MYLK: variants seen among roughly 807,000 people sequenced by gnomAD.
MYLK encodes myosin light chain kinase, smooth muscle.
MYLK carries 106 observed loss-of-function variants against 203.4 expected under a neutral mutation model. The observed-to-expected ratio is 0.52, with a 90% CI of 0.45 to 0.61. The LOEUF (loss-of-function observed/expected upper bound fraction) is 0.61, where lower values mean the gene tolerates loss of function less well. MYLK is among the 20% of genes least tolerant of loss of function. The pLI, the probability that MYLK is intolerant of heterozygous loss-of-function variation, is 0.00. For missense variants in MYLK, 2,072 were observed against 2,442.3 expected, an observed-to-expected ratio of 0.85 and a Z score of 3.20; for synonymous variants, 867 against 959.5, an observed-to-expected ratio of 0.90 and a Z score of 1.78.
chr3:123,707,917 C>T lies in MYLK; in HGVS notation c.2227G>A (p.Ala743Thr), dbSNP rs145191000. ...GTAGGAAAGGGGTCACCAGCTATGG[C>T]GCAGGAGATGAGGACACTCTGGCCC... ...SLGQSVLISC[A>T]IAGDPFPTVH... Residue 743 changes from alanine to threonine, a missense_variant, in exon 16 of 34, where the codon GCC becomes ACC. Physicochemically the swap from Ala to Thr is moderately conservative, Grantham distance 58. Coordinates refer to ENST00000360304, the MANE Select transcript of MYLK (RefSeq NM_053025.4). 3.8e-5 allele frequency: 62 copies of T among 1,614,194 alleles called. No homozygotes were observed. The Admixed American group carries it at 4.5e-4, about 12-fold the overall frequency.
chr3:123,691,289 G>A (rs1248333800), intron 19 of MYLK: 1 of 152,182 alleles, frequency 6.6e-6, no homozygotes, highest in Non-Finnish European at 1.5e-5. Flanking sequence ...CAGCCTGGGT[G>A]AGGAGAGACT....
At chr3:123,780,374 C>T (rs1576948555) in intron 4 of MYLK, among the ~76,000 whole-genome samples, 2 of 152,124 alleles carry the variant, frequency 1.3e-5, no homozygotes, top group East Asian at 1.9e-4. Flanking sequence ...GCAGAGGTTG[C>T]AGTGAGCCGA....
chr3:123,610,654 C>G lies in MYLK; in HGVS notation c.*3451G>C, dbSNP rs562385392. ...ACAACTGCCACCAACATTAGCCCCC[C>G]CTTTCAAATTACAGGAAGGAGTCCC... On this transcript the variant is annotated 3_prime_UTR_variant, in exon 34 of 34. Transcript: ENST00000360304. 7.2e-5 allele frequency: 11 copies of G among 152,288 alleles called. No homozygotes were observed. The South Asian group carries it at 8.3e-4, about 11-fold the overall frequency. The allele number at this position is 152,288 out of a possible 1,614,324, so 9.4% of individuals were successfully genotyped here.
intron 2 of MYLK, among the ~76,000 whole-genome samples, chr3:123,854,030 G>A (rs1028177143): frequency 1.3e-5 from 2 of 151,672 alleles, no homozygotes; most frequent in Admixed American, 6.6e-5. Flanking sequence ...AATACCCCAA[G>A]GTAGCCTGCT....
At chr3:123,654,221 C>T (rs1421285473) in intron 24 of MYLK, among the ~76,000 whole-genome samples, 1 of 152,230 alleles carries the variant, frequency 6.6e-6, no homozygotes, top group Non-Finnish European at 1.5e-5. Context: ...GCCTGACACA[C>T]AGCTGCTAGC....
intron 30 of MYLK, among the ~76,000 whole-genome samples, chr3:123,627,654 A>T (rs820450): frequency 0.34 from 51,545 of 152,100 alleles, 12,092 homozygotes; most frequent in African/African-American, 0.63. Flanking sequence ...AATGTAGTGA[A>T]CTTTAGATAA....
At chr3:123,768,196 G>T (rs760013219) in intron 4 of MYLK, among the ~76,000 whole-genome samples, 2 of 152,246 alleles carry the variant, frequency 1.3e-5, no homozygotes, top group African/African-American at 4.8e-5. Flanking sequence ...TGAGAGCAGT[G>T]CTTATTCCAA....
In MYLK at chr3:123,707,950, C is replaced by T; in HGVS notation, c.2194G>A (p.Ala732Thr). 1.2e-6 allele frequency: 2 copies of T among 1,614,198 alleles called. No homozygotes were observed. Among genetic ancestry groups the T allele is most frequent in the South Asian group, 1.1e-5 (1 of 91,072 alleles). Residue 732 changes from alanine to threonine, a missense_variant, in exon 16 of 34, where the codon GCC (alanine) becomes ACC (threonine). Physicochemically the swap from Ala to Thr is moderately conservative, Grantham distance 58 (BLOSUM62 0). Around this residue, in one of 3 missense-constraint regions of MYLK, gnomAD observed 865 missense variants for 1,016.0 expected, o/e 0.85. Transcript: ENST00000360304. ...WFISKPRSVT[A>T]SLGQSVLISC... ...ATGAGGACACTCTGGCCCAGGGAGGCTGTCACTGAGCGAGGCTTACTGATG... is the reference window on the plus strand; with the variant it reads ...ATGAGGACACTCTGGCCCAGGGAGGTTGTCACTGAGCGAGGCTTACTGATG...
intron 3 of MYLK, among the ~76,000 whole-genome samples, chr3:123,820,425 T>C (rs887176765): frequency 1.3e-5 from 2 of 152,202 alleles, no homozygotes; most frequent in Non-Finnish European, 2.9e-5. Context: ...GGAAAGCTGG[T>C]AGATACAGAA....
At chr3:123,713,099 GA>G (rs1458804010) in intron 13 of MYLK, among the ~76,000 whole-genome samples, 1 of 152,188 alleles carries the variant, frequency 6.6e-6, no homozygotes, top group Non-Finnish European at 1.5e-5. Context: ...TCCAGGAGAT[GA>G]GTGAGTGAAC....
chr3:123,814,938 A>T (rs1367968840), intron 3 of MYLK, among the ~76,000 whole-genome samples: 3 of 151,988 alleles, frequency 2.0e-5, no homozygotes, highest in African/African-American at 7.2e-5. Context: ...GACTACAGGC[A>T]CCTGACACCA....
chr3:123,659,806 C>T (rs1461102295), intron 23 of MYLK: 1 of 407,112 alleles, frequency 2.5e-6, no homozygotes, highest in Non-Finnish European at 5.0e-6. Flanking sequence ...CTCCACATTT[C>T]CTCTGAATTC....
intron 19 of MYLK, chr3:123,689,537 C>A (rs1310261761): frequency 1.8e-5 from 2 of 110,248 alleles, no homozygotes; most frequent in Non-Finnish European, 4.0e-5. Flanking sequence ...CAGGGTGGAG[C>A]CCCAACACCA....
chr3:123,811,105 A>C (rs2065544705), intron 3 of MYLK, among the ~76,000 whole-genome samples: 2 of 152,226 alleles, frequency 1.3e-5, no homozygotes, highest in Non-Finnish European at 2.9e-5. Context: ...TGATCAACTG[A>C]GAGCACAGCC....
intron 23 of MYLK, among the ~76,000 whole-genome samples, chr3:123,657,816 AGT>A (rs1345403969): frequency 6.6e-6 from 1 of 152,212 alleles, no homozygotes; most frequent in Non-Finnish European, 1.5e-5. Flanking sequence ...GTTCAGCATG[AGT>A]GTGTGTGTCT....
chr3:123,868,930 A>G (rs1456950094), intron 2 of MYLK, among the ~76,000 whole-genome samples: 1 of 152,180 alleles, frequency 6.6e-6, no homozygotes, highest in Admixed American at 6.5e-5. Context: ...GGGTGTCACA[A>G]TGAGATCTGT....
intron 3 of MYLK, among the ~76,000 whole-genome samples, chr3:123,814,839 C>T (rs1000884672): frequency 6.6e-6 from 1 of 152,112 alleles, no homozygotes; most frequent in African/African-American, 2.4e-5. Context: ...GTTACCCAGG[C>T]TGGAGTACAG....
At chr3:123,634,736 C>T (rs138005275) in intron 29 of MYLK, among the ~76,000 whole-genome samples, 1 of 152,250 alleles carries the variant, frequency 6.6e-6, no homozygotes, top group African/African-American at 2.4e-5. Flanking sequence ...GTTGTGGCCT[C>T]CCCACAGGCA....
chr3:123,714,137 G>A (rs2061810823), intron 13 of MYLK, among the ~76,000 whole-genome samples: 1 of 152,174 alleles, frequency 6.6e-6, no homozygotes, highest in Admixed American at 6.5e-5. Flanking sequence ...CTAATTCAGT[G>A]TTACCCTCAA....
Sources: allele counts gnomAD v4.1 joint callset (sites outside exome capture counted in the v4.1 genomes callset), GRCh38; gene constraint gnomAD v4.1.1; regional missense constraint gnomAD v4.1.1; transcripts MANE v1.5; gene names NCBI Gene and HGNC (gene_info 2026-07-23, HGNC 2026-07-21).